The following TVP23A variants were observed in gnomAD, a reference collection of about 807,000 sequenced individuals.
TVP23A encodes the protein Golgi apparatus membrane protein TVP23 homolog A.
In TVP23A, 21 loss-of-function variants were observed where a neutral mutation model predicts 31.7. The observed-to-expected ratio is 0.66, with a 90% CI of 0.47 to 0.95. TVP23A has a LOEUF of 0.95. TVP23A is among the 40% of genes least tolerant of loss of function. The probability of loss-of-function intolerance (pLI) is 0.00; values close to 1 mark genes in which losing one functional copy is unlikely to be tolerated. For missense variants in TVP23A, 279 were observed against 255.6 expected (o/e 1.09, Z -0.62); for synonymous variants, 104 against 96.0 (o/e 1.08, Z -0.49).
chr16:10,761,815 T>TG, downstream of TVP23A: 1 of 1,614,046 alleles, frequency 6.2e-7, no homozygotes, highest in Non-Finnish European at 8.5e-7. Context: ...TGCCAGGACT[T>TG]GGAGGTCCCT....
In TVP23A at chr16:10,818,509, C is replaced by T; in HGVS notation, c.-16G>A. Reference sequence around the variant, plus strand: ...CCTGCTTCATCACCCTCCCAGGAGCCCACCTGGCGCCCAGGCCCGGGGCTC... The same window carrying T: ...CCTGCTTCATCACCCTCCCAGGAGCTCACCTGGCGCCCAGGCCCGGGGCTC... On this transcript the variant is annotated 5_prime_UTR_variant, in exon 1 of 8. Coordinates refer to ENST00000299866, the MANE Select transcript of TVP23A (RefSeq NM_001079512.4). The surrounding 1 kb of genome is among the most constrained non-coding windows in gnomAD (Gnocchi z 4.7). 1 of 1,602,488 alleles carries T rather than the reference C, an allele frequency of 6.2e-7. No individual in the cohort carries two copies. The highest frequency in any genetic ancestry group is 1.1e-5 in the South Asian group (1 of 90,038).
At position 10,779,348 on chromosome 16, in the gene TVP23A, G is replaced by A. The variant is rs2032279559; in HGVS notation, c.90-4252C>T. Among the ~76,000 whole-genome samples, 1 of 152,176 alleles carries A rather than the reference G, an allele frequency of 6.6e-6. No homozygotes were observed. Among genetic ancestry groups the A allele is most frequent in the African/African-American group, 2.4e-5 (1 of 41,444 alleles). ...AGCCTGTGCCTCTAGCTAATACTGTGTGATCTCAGACCAGTTTTCCAGAGT... is the reference window on the plus strand; with the variant it reads ...AGCCTGTGCCTCTAGCTAATACTGTATGATCTCAGACCAGTTTTCCAGAGT... On this transcript the variant is annotated intron_variant, in intron 2 of 7. Coordinates refer to ENST00000299866, the MANE Select transcript of TVP23A (RefSeq NM_001079512.4). This position sits in a 1 kb window ranked among gnomAD's most constrained non-coding sequence, Gnocchi z 4.9.
intron 2 of TVP23A, among the ~76,000 whole-genome samples, chr16:10,797,454 A>T (rs913641203): frequency 6.6e-6 from 1 of 152,006 alleles, no homozygotes; most frequent in Non-Finnish European, 1.5e-5. Flanking sequence ...CGGGAGGCTG[A>T]GACAGGAGAA....
intron 3 of TVP23A, 67 bp downstream of exon 3, chr16:10,774,885 G>T: frequency 2.1e-6 from 3 of 1,441,138 alleles, no homozygotes; most frequent in African/African-American, 1.4e-5. Context: ...AGTACCTCTT[G>T]GTACCACGCA....
chr16:10,805,063 A>T (rs777612758), intron 2 of TVP23A, among the ~76,000 whole-genome samples: 4 of 151,878 alleles, frequency 2.6e-5, no homozygotes, highest in Non-Finnish European at 5.9e-5. Flanking sequence ...TTTCAGACAG[A>T]GTCTCGCTCT....
chr16:10,787,464 G>A (rs968987225), intron 2 of TVP23A, among the ~76,000 whole-genome samples: 2 of 152,070 alleles, frequency 1.3e-5, no homozygotes, highest in African/African-American at 4.8e-5. Flanking sequence ...TTCCAGTCAC[G>A]TGTACAGTAA....
chr16:10,785,331 G>A (rs1379562150), intron 2 of TVP23A, among the ~76,000 whole-genome samples: 2 of 151,972 alleles, frequency 1.3e-5, no homozygotes, highest in African/African-American at 4.8e-5. Context: ...TTGAACTGGG[G>A]AGGTGGAGGT....
At chr16:10,817,024 A>T (rs2034475025) in intron 2 of TVP23A, among the ~76,000 whole-genome samples, 1 of 152,044 alleles carries the variant, frequency 6.6e-6, no homozygotes, top group South Asian at 2.1e-4. Flanking sequence ...TTGAAGACGG[A>T]GGAACAGGCC....
chr16:10,791,950 T>C (rs200350102), intron 2 of TVP23A, among the ~76,000 whole-genome samples: 9 of 152,164 alleles, frequency 5.9e-5, no homozygotes, highest in Admixed American at 1.3e-4. Context: ...GCAAACAACA[T>C]GGCATGGGCC....
At chr16:10,762,228 G>C (rs1344951027), downstream of TVP23A, 1 of 178,786 alleles carries the variant, frequency 5.6e-6, no homozygotes, top group African/African-American at 2.4e-5. Context: ...AAATCCCTTA[G>C]GAAGGGGCCG....
rs2032298170 is a variant in TVP23A at position 10,779,650 on chromosome 16, A to G, written c.90-4554T>C. On this transcript the variant is annotated intron_variant, in intron 2 of 7. Transcript: ENST00000299866. This position sits in a 1 kb window ranked among gnomAD's most constrained non-coding sequence, Gnocchi z 4.9. Reference sequence around the variant, plus strand: ...TGGCCCAAAAACGAGATGCAGATGAACTGGGAGAGGAAGTTTTTATTTCTG... The same window carrying G: ...TGGCCCAAAAACGAGATGCAGATGAGCTGGGAGAGGAAGTTTTTATTTCTG... Among the ~76,000 whole-genome samples, 1 of 152,234 alleles carries G rather than the reference A, an allele frequency of 6.6e-6. No homozygotes were observed. The highest frequency in any genetic ancestry group is 1.5e-5 in the Non-Finnish European group (1 of 68,050).
chr16:10,766,648 AACAAAAAATTGGACAAAACGC>A (rs2030920273), downstream of TVP23A: 1 of 259,026 alleles, frequency 3.9e-6, no homozygotes, highest in Non-Finnish European at 7.2e-6. The surrounding 1 kb of genome is among the most constrained non-coding windows in gnomAD (Gnocchi z 4.8). Flanking sequence ...TGGTGTCTGG[AACAAAAAATTGGACAAAACGC>A]ACAAAGAAAG....
At chr16:10,775,709 A>G (rs946488381) in intron 2 of TVP23A, among the ~76,000 whole-genome samples, 3 of 151,602 alleles carry the variant, frequency 2.0e-5, no homozygotes, top group African/African-American at 7.3e-5. Context: ...AGAGGGAGCC[A>G]AGGGGAACAT....
chr16:10,818,030 G>T lies in TVP23A; in HGVS notation c.89+73C>A. 1 of 1,298,452 alleles carries T rather than the reference G, an allele frequency of 7.7e-7. No individual in the cohort carries two copies. 80.4% of individuals were successfully genotyped at this position (1,298,452 alleles called of 1,614,324 possible). A position where few individuals can be genotyped will look rare whatever the true frequency, so the allele number is the denominator to read the frequency against. On this transcript the variant is annotated intron_variant, in intron 2 of 7. Transcript: ENST00000299866. This position sits in a 1 kb window ranked among gnomAD's most constrained non-coding sequence, Gnocchi z 4.7. The stretch of plus-strand genomic sequence containing the variant: ...ACACAGTAGGTGCTCAATATATTTT[G>T]AATGAATGAGTGAGTAAATGAATGA...
intron 2 of TVP23A, among the ~76,000 whole-genome samples, chr16:10,788,414 ACAGGCG>A (rs1361845341): frequency 1.3e-5 from 2 of 151,972 alleles, no homozygotes; most frequent in African/African-American, 4.8e-5. Context: ...AGCTGGGACT[ACAGGCG>A]CCCGCCACCA....
intron 2 of TVP23A, among the ~76,000 whole-genome samples, chr16:10,801,089 T>C (rs1427589444): frequency 1.3e-5 from 2 of 152,158 alleles, no homozygotes; most frequent in African/African-American, 2.4e-5. Context: ...AGACTTAGAA[T>C]CAGCTCCTTT....
At chr16:10,773,253 G>C in intron 5 of TVP23A, 60 bp downstream of exon 5, 1 of 1,534,142 alleles carries the variant, frequency 6.5e-7, no homozygotes, top group Non-Finnish European at 8.7e-7. Flanking sequence ...AAGCCTAGTG[G>C]TGCAAACACT....
intron 2 of TVP23A, among the ~76,000 whole-genome samples, chr16:10,797,487 G>C (rs1173823701): frequency 6.6e-6 from 1 of 151,904 alleles, no homozygotes; most frequent in Non-Finnish European, 1.5e-5. Flanking sequence ...GGGAGGCAGA[G>C]GTTGTGGTGA....
At position 10,773,303 on chromosome 16, in the gene TVP23A, C is replaced by T. The variant is rs1160399293; in HGVS notation, c.453+10G>A. The T allele has an allele frequency of 1.9e-6, 3 of 1,595,920 alleles. No homozygotes were observed. The highest frequency in any genetic ancestry group is 4.5e-5 in the East Asian group (2 of 44,766). On this transcript the variant is annotated intron_variant, in intron 5 of 7. Transcript: ENST00000299866. ...ATCAAAGCAATGTGGAAGTCAAGAT[C>T]TGGCCTTACCAGCCACTTTAGCTTC...
Sources: gnomAD v4.1 joint callset for allele counts (sites outside exome capture counted in the v4.1 genomes callset) on GRCh38, gnomAD v4.1.1 for gene constraint, Gnocchi (gnomAD v3.1) non-coding constraint, MANE v1.5 for transcripts, NCBI Gene and HGNC (gene_info 2026-07-23, HGNC 2026-07-21) for gene names.